Variants in ZGRF1 observed in about 807,000 individuals in gnomAD.
The protein encoded by ZGRF1 is zinc finger GRF-type containing 1.
In ZGRF1, 196 loss-of-function variants were observed where a neutral mutation model predicts 203.5. The observed-to-expected ratio is 0.96, with a 90% CI of 0.86 to 1.08. The LOEUF (loss-of-function observed/expected upper bound fraction) is 1.08. ZGRF1 is among the 50% of genes least tolerant of loss of function. ZGRF1 has a pLI of 0.00. For synonymous variants in ZGRF1, 809 were observed against 841.3 expected, an observed-to-expected ratio of 0.96 and a Z score of 0.66; for missense variants, 2,326 against 2,416.3, an observed-to-expected ratio of 0.96 and a Z score of 0.78.
intron 22 of ZGRF1, among the ~76,000 whole-genome samples, chr4:112,552,233 C>T (rs1018752878): frequency 7.3e-5 from 11 of 150,724 alleles, no homozygotes; most frequent in East Asian, 3.9e-4. Context: ...GCTGAGACTG[C>T]GCCACTGCAC....
rs1747352249 is a variant in ZGRF1 at position 112,587,316 on chromosome 4, C to T, written c.3741G>A (p.Gly1247=). 6 of 1,612,532 alleles carry T rather than the reference C, an allele frequency of 3.7e-6. No homozygotes were observed. The South Asian group carries it at 4.4e-5, about 12-fold the overall frequency. ...TTACACTGTAGTTGTAGCAGGTAGA[C>T]CCTCCTAATACATTTTTAATTTCCT... is the stretch of plus-strand genomic sequence containing the variant. ...KTEEIKNVLG[G]STCYNYSVKD... The change falls in exon 12 of 28, where the codon GGG becomes GGA. Residue 1247 remains glycine, a synonymous_variant. Coordinates refer to ENST00000505019, the MANE Select transcript of ZGRF1 (RefSeq NM_018392.5).
intron 20 of ZGRF1, among the ~76,000 whole-genome samples, chr4:112,557,673 A>C (rs986444646): frequency 5.3e-5 from 8 of 152,226 alleles, no homozygotes; most frequent in Admixed American, 2.6e-4. Context: ...GGGCAAGAAC[A>C]CTGAGGCTGG....
rs762448665 is a variant in ZGRF1 at position 112,619,290 on chromosome 4, C to T, written c.752G>A (p.Ser251Asn). 2.5e-6 allele frequency: 4 copies of T among 1,613,204 alleles called. No homozygotes were observed. In the African/African-American group the frequency reaches 4.0e-5, roughly 16 times the overall value. The change falls in exon 6 of 28, where the codon AGC (serine) becomes AAC (asparagine). Residue 251 changes from serine (S) to asparagine (N), a missense_variant. Ser to Asn is a conservative substitution (Grantham distance 46). Coordinates refer to ENST00000505019, the MANE Select transcript of ZGRF1 (RefSeq NM_018392.5). ...CAGAAGAGCTAATATCTGTGCTTTGCTTCTGATGTTTTGTGAAACTCCTGA... is the reference window on the plus strand; with the variant it reads ...CAGAAGAGCTAATATCTGTGCTTTGTTTCTGATGTTTTGTGAAACTCCTGA... ...HYSGVSQNIR[S>N]KAQILALLKS... is the part of the protein sequence containing the mutation.
At chr4:112,576,313 C>G (rs538178751) in intron 16 of ZGRF1, among the ~76,000 whole-genome samples, 14 of 152,274 alleles carry the variant, frequency 9.2e-5, no homozygotes, top group African/African-American at 3.1e-4. Context: ...GTAGATAAAA[C>G]CACAAAGATG....
intron 16 of ZGRF1, among the ~76,000 whole-genome samples, chr4:112,567,039 C>T (rs1743237593): frequency 2.6e-5 from 4 of 152,104 alleles, no homozygotes; most frequent in African/African-American, 9.7e-5. Flanking sequence ...GCAGTCTCCA[C>T]CTCACCTCCA....
chr4:112,547,496 G>A (rs373768728), intron 23 of ZGRF1, 88 bp from the exon 24 acceptor site: 73 of 1,207,584 alleles, frequency 6.0e-5, no homozygotes, highest in East Asian at 5.8e-4. Flanking sequence ...ATTGCACTTC[G>A]AAATATTCAA....
chr4:112,564,274 A>G (rs1035060990), intron 16 of ZGRF1, among the ~76,000 whole-genome samples: 2 of 152,220 alleles, frequency 1.3e-5, no homozygotes, highest in African/African-American at 4.8e-5. Flanking sequence ...TCTTGTAACT[A>G]CTTAGTAATT....
At position 112,619,497 on chromosome 4, in the gene ZGRF1, T is replaced by C; in HGVS notation, c.545A>G (p.Tyr182Cys). The change falls in exon 6 of 28, where the codon TAC becomes TGC. Residue 182 changes from tyrosine (Y) to cysteine (C), a missense_variant. Physicochemically the swap from Tyr to Cys is radical, Grantham distance 194. Coordinates refer to ENST00000505019, the MANE Select transcript of ZGRF1 (RefSeq NM_018392.5). ...ILADPENIVT[Y>C]KNRERNAMDF... ...CATGGCATTTCTCTCCCTGTTCTTG[T>C]AAGTCACAATGTTCTCAGGGTCTGC... 1.9e-6 allele frequency: 3 copies of C among 1,613,418 alleles called. No individual in the cohort carries two copies. Among genetic ancestry groups the C allele is most frequent in the Non-Finnish European group, 2.5e-6 (3 of 1,179,720 alleles).
At chr4:112,595,946 A>G (rs1297672661) in intron 10 of ZGRF1, among the ~76,000 whole-genome samples, 5 of 152,182 alleles carry the variant, frequency 3.3e-5, no homozygotes, top group African/African-American at 9.7e-5. Context: ...AAGTCCAGAG[A>G]TTGCTACATG....
intron 26 of ZGRF1, among the ~76,000 whole-genome samples, chr4:112,540,521 G>T (rs1737358817): frequency 6.6e-6 from 1 of 152,126 alleles, no homozygotes; most frequent in Admixed American, 6.5e-5. Context: ...GGATAACAGA[G>T]ATTCAGTCCC....
intron 24 of ZGRF1, among the ~76,000 whole-genome samples, chr4:112,542,529 A>G (rs902076115): frequency 2.8e-4 from 43 of 152,210 alleles, no homozygotes; most frequent in Admixed American, 1.3e-4. Flanking sequence ...AGATGGAAGG[A>G]AAAATACTAA....
chr4:112,568,656 A>G (rs1743627890), intron 16 of ZGRF1, among the ~76,000 whole-genome samples: 1 of 143,298 alleles, frequency 7.0e-6, no homozygotes, highest in Admixed American at 7.4e-5. Context: ...GGTTGCAGTG[A>G]GCCCAGATTG....
intron 6 of ZGRF1, among the ~76,000 whole-genome samples, chr4:112,616,232 T>C (rs895717005): frequency 4.6e-5 from 7 of 151,830 alleles, no homozygotes; most frequent in Admixed American, 4.6e-4. Flanking sequence ...AGAAACACAA[T>C]TATGGGGCTG....
chr4:112,574,081 T>C (rs1467192917), intron 16 of ZGRF1, among the ~76,000 whole-genome samples: 1 of 152,210 alleles, frequency 6.6e-6, no homozygotes. Flanking sequence ...TCTAAAGATG[T>C]GTGAAGTATG....
At chr4:112,584,471 A>G (rs1281380056) in intron 14 of ZGRF1, among the ~76,000 whole-genome samples, 1 of 152,218 alleles carries the variant, frequency 6.6e-6, no homozygotes, top group Non-Finnish European at 1.5e-5. Context: ...AGAAACACTG[A>G]ATATCTTATC....
intron 3 of ZGRF1, among the ~76,000 whole-genome samples, chr4:112,626,415 T>C (rs2047241165): frequency 6.6e-6 from 1 of 152,198 alleles, no homozygotes; most frequent in Non-Finnish European, 1.5e-5. Context: ...GTTCTTTCCA[T>C]AGCCAGTGAG....
chr4:112,632,048 A>C, intron 2 of ZGRF1, 38 bp from the exon 3 acceptor site: 4 of 1,015,880 alleles, frequency 3.9e-6, no homozygotes, highest in Non-Finnish European at 5.7e-6. Context: ...GTTTCCATTT[A>C]TATATATTTA....
intron 16 of ZGRF1, among the ~76,000 whole-genome samples, chr4:112,568,833 G>A (rs1743692095): frequency 6.6e-6 from 1 of 151,972 alleles, no homozygotes; most frequent in African/African-American, 2.4e-5. Context: ...GGCCAACATG[G>A]TGAAACCCTA....
At position 112,570,756 on chromosome 4, in the gene ZGRF1, A is replaced by G. The variant is rs76325320; in HGVS notation, c.4439-7482T>C. 3.3e-4 allele frequency among the ~76,000 whole-genome samples: 50 copies of G among 152,300 alleles called. No homozygotes were observed. The East Asian group carries it at 6.0e-3, about 18-fold the overall frequency. ...AATGACTCACAGGTTAAAAAAAATC[A>G]TAATGGAAAACTTAAAACAAACTGA... On this transcript the variant is annotated intron_variant, in intron 16 of 27. Coordinates refer to ENST00000505019, the MANE Select transcript of ZGRF1 (RefSeq NM_018392.5).
Sources: allele counts gnomAD v4.1 joint callset (sites outside exome capture counted in the v4.1 genomes callset), GRCh38; gene constraint gnomAD v4.1.1; transcripts MANE v1.5; gene names NCBI Gene and HGNC (gene_info 2026-07-23, HGNC 2026-07-21).